RBFOX1: variants seen among roughly 807,000 people sequenced by gnomAD.
RBFOX1 encodes RNA binding protein fox-1 homolog 1.
A neutral mutation model predicts 57.7 loss-of-function variants in RBFOX1; 8 were observed. The observed-to-expected ratio is 0.14, with a 90% confidence interval of 0.08 to 0.25. RBFOX1 has a LOEUF of 0.25. Among genes scored for constraint, RBFOX1 ranks in the 10% least tolerant of loss-of-function variants. The probability of loss-of-function intolerance (pLI) is 1.00; values close to 1 mark genes in which losing one functional copy is unlikely to be tolerated. For synonymous variants in RBFOX1, 326 were observed against 222.4 expected (o/e 1.47, Z -4.15); for missense variants, 611 against 548.5 (o/e 1.11, Z -1.14).
chr16:5,383,193 TG>T (rs1200979725), intron 1 of RBFOX1, among the ~76,000 whole-genome samples: 1 of 152,174 alleles, frequency 6.6e-6, no homozygotes, highest in Admixed American at 6.5e-5. Flanking sequence ...CTTCACTTAC[TG>T]GTGGGGAAAC....
rs535287870 is a variant in RBFOX1 at position 7,460,140 on chromosome 16, G to C, written c.28-58007G>C. Among the ~76,000 whole-genome samples the C allele has an allele frequency of 1.4e-3, 213 of 151,776 alleles. 9 individuals carry two copies. The South Asian group carries it at 0.043, about 31-fold the overall frequency. ...TTTTTGCAATATTTCTCCTATGCTA[G>C]TCTGATTGTATTTGCTTATCCTCTT... On this transcript the variant is annotated intron_variant, in intron 4 of 15. Transcript: ENST00000550418.
At chr16:6,694,907 A>G (rs949873254) in intron 3 of RBFOX1, among the ~76,000 whole-genome samples, 1 of 151,858 alleles carries the variant, frequency 6.6e-6, no homozygotes. Flanking sequence ...TGCGTGGTAA[A>G]CAGGACTAAC....
chr16:6,516,172 G>T (rs2096374118), intron 2 of RBFOX1, among the ~76,000 whole-genome samples: 1 of 152,248 alleles, frequency 6.6e-6, no homozygotes, highest in Non-Finnish European at 1.5e-5. Flanking sequence ...GGGATTACAG[G>T]CATGTGCCAC....
intron 3 of RBFOX1, among the ~76,000 whole-genome samples, chr16:6,680,187 T>G (rs981841600): frequency 2.0e-5 from 3 of 152,010 alleles, no homozygotes; most frequent in African/African-American, 7.2e-5. Context: ...CAATTTCGTA[T>G]GGAGCTGCGC....
intron 4 of RBFOX1, among the ~76,000 whole-genome samples, chr16:5,939,080 C>T (rs920789123): frequency 3.3e-5 from 5 of 151,594 alleles, no homozygotes; most frequent in African/African-American, 1.2e-4. Context: ...CATCACACAC[C>T]ACTGCGTGTC....
intron 4 of RBFOX1, among the ~76,000 whole-genome samples, chr16:7,466,296 C>G (rs192226381): frequency 1.1e-3 from 172 of 152,024 alleles, no homozygotes; most frequent in African/African-American, 3.7e-3. Flanking sequence ...TTTACCAGAC[C>G]TATACTATTT....
At chr16:6,328,501 A>G (rs1047156178) in intron 2 of RBFOX1, among the ~76,000 whole-genome samples, 9 of 152,174 alleles carry the variant, frequency 5.9e-5, no homozygotes, top group Non-Finnish European at 8.8e-5. Flanking sequence ...TATATGCTCA[A>G]TAGACCCTAT....
At chr16:7,376,280 G>C (rs918888600) in intron 4 of RBFOX1, among the ~76,000 whole-genome samples, 32 of 152,140 alleles carry the variant, frequency 2.1e-4, no homozygotes, top group Non-Finnish European at 7.4e-5. Context: ...CTCTTAATTC[G>C]ATTCTATTAG....
intron 1 of RBFOX1, among the ~76,000 whole-genome samples, chr16:5,364,178 G>A (rs2065639208): frequency 1.3e-5 from 2 of 152,222 alleles, no homozygotes; most frequent in African/African-American, 4.8e-5. Flanking sequence ...TAATTTTTAA[G>A]TTTCCTTCAC....
At chr16:5,456,401 G>A (rs980492135) in intron 1 of RBFOX1, among the ~76,000 whole-genome samples, 3 of 152,020 alleles carry the variant, frequency 2.0e-5, no homozygotes, top group Admixed American at 6.5e-5. Context: ...CCTTCTTTTC[G>A]GGGAACGGAT....
chr16:7,237,700 C>T (rs945770409), intron 4 of RBFOX1, among the ~76,000 whole-genome samples: 1 of 152,166 alleles, frequency 6.6e-6, no homozygotes, highest in Non-Finnish European at 1.5e-5. Flanking sequence ...TATTATTCAG[C>T]CTTAGAAATG....
At chr16:7,428,578 C>T (rs1471892862) in intron 4 of RBFOX1, among the ~76,000 whole-genome samples, 6 of 148,994 alleles carry the variant, frequency 4.0e-5, no homozygotes, top group Non-Finnish European at 8.9e-5. Context: ...GCCATGTTGG[C>T]CAGGCTGGTA....
intron 4 of RBFOX1, among the ~76,000 whole-genome samples, chr16:7,218,648 G>GCA (rs2092458393): frequency 1.3e-5 from 2 of 149,296 alleles, no homozygotes; most frequent in Non-Finnish European, 3.0e-5. Flanking sequence ...GTGTGTGTGT[G>GCA]TGTGTGTGTG....
At position 7,229,010 on chromosome 16, in the gene RBFOX1, G is replaced by A. The variant is rs868692540; in HGVS notation, c.27+176912G>A. Among the ~76,000 whole-genome samples the A allele has an allele frequency of 7.9e-5, 12 of 152,222 alleles. No homozygotes were observed. In the South Asian group the frequency reaches 2.5e-3, roughly 32 times the overall value. On this transcript the variant is annotated intron_variant, in intron 4 of 15. Transcript: ENST00000550418. ...GAGCTGGAAGGATGGGGAATAGCAG[G>A]CTAAGAAAGAACAATGCATAACAGA...
At chr16:6,442,479 C>A (rs985908769) in intron 2 of RBFOX1, among the ~76,000 whole-genome samples, 2 of 151,888 alleles carry the variant, frequency 1.3e-5, no homozygotes, top group African/African-American at 4.8e-5. Context: ...ATCGCTTGAG[C>A]CTGGGAAGCG....
chr16:7,001,925 G>A lies in RBFOX1; in HGVS notation c.-15-50132G>A, dbSNP rs185755131. 2.1e-3 allele frequency among the ~76,000 whole-genome samples: 323 copies of A among 152,248 alleles called. 4 individuals carry two copies. The highest frequency in any genetic ancestry group is 3.2e-3 in the Non-Finnish European group (216 of 68,016). On this transcript the variant is annotated intron_variant, in intron 3 of 15. Transcript: ENST00000550418. ...CGGGGGTCCCCAAAATAGAAGATCAGTTCTACTTTTTTTCTCCTGGAGTTT... is the reference window on the plus strand; with the variant it reads ...CGGGGGTCCCCAAAATAGAAGATCAATTCTACTTTTTTTCTCCTGGAGTTT...
At chr16:5,825,336 C>A (rs967223999) in intron 3 of RBFOX1, among the ~76,000 whole-genome samples, 2 of 152,204 alleles carry the variant, frequency 1.3e-5, no homozygotes, top group Non-Finnish European at 2.9e-5. Context: ...GGGACCTCCC[C>A]TCTCTATGCC....
chr16:5,802,528 G>T (rs72766982), intron 3 of RBFOX1, among the ~76,000 whole-genome samples: 4 of 152,294 alleles, frequency 2.6e-5, no homozygotes, highest in Non-Finnish European at 5.9e-5. Flanking sequence ...GACTCTCAGA[G>T]GGAATGCTCA....
At chr16:7,406,177 C>T (rs1222736672) in intron 4 of RBFOX1, among the ~76,000 whole-genome samples, 1 of 152,188 alleles carries the variant, frequency 6.6e-6, no homozygotes, top group East Asian at 1.9e-4. Flanking sequence ...CAGAAAACCT[C>T]ATCTAGATCA....
Sources: gnomAD v4.1 joint callset for allele counts (sites outside exome capture counted in the v4.1 genomes callset) on GRCh38, gnomAD v4.1.1 for gene constraint, MANE v1.5 for transcripts, NCBI Gene and HGNC (gene_info 2026-07-23, HGNC 2026-07-21) for gene names.